GSDMC: variants seen among roughly 807,000 people sequenced by gnomAD.
GSDMC encodes the protein gasdermin C.
GSDMC carries 59 observed loss-of-function variants against 58.0 expected under a neutral mutation model. The ratio of observed to expected loss-of-function variants is 1.02; its 90% CI spans 0.82 to 1.26. The LOEUF (loss-of-function observed/expected upper bound fraction) is 1.26. Among genes scored for constraint, GSDMC ranks in the 50% most tolerant of loss-of-function variants. The probability of loss-of-function intolerance (pLI) is 0.00; values close to 1 mark genes in which losing one functional copy is unlikely to be tolerated. For synonymous variants in GSDMC, 241 were observed against 220.2 expected (o/e 1.09, Z -0.83); for missense variants, 659 against 598.5 (o/e 1.10, Z -1.06).
Position 129,752,704 on chromosome 8 carries a change from T to G in GSDMC, c.838A>C (p.Lys280Gln). 1 of 1,614,168 alleles carries G rather than the reference T, an allele frequency of 6.2e-7. No individual in the cohort carries two copies. Among genetic ancestry groups the G allele is most frequent in the Non-Finnish European group, 8.5e-7 (1 of 1,180,010 alleles). Residue 280 changes from lysine (K) to glutamine (Q), a missense_variant, in exon 7 of 14, where the codon AAA becomes CAA. Coordinates refer to ENST00000276708, the MANE Select transcript of GSDMC (RefSeq NM_031415.3). ...FNASSNDMKL[K>Q]PELFLTQQFL... ...AAGTGAGCAATCACAGTACCTGGTTTTAACTTCATATCATTGGATGAGGCA... is the reference window on the plus strand; with the variant it reads ...AAGTGAGCAATCACAGTACCTGGTTGTAACTTCATATCATTGGATGAGGCA...
At chr8:129,760,402 G>A in intron 6 of GSDMC, 143 bp downstream of exon 6, 1 of 500,466 alleles carries the variant, frequency 2.0e-6, no homozygotes, top group Non-Finnish European at 3.5e-6. Flanking sequence ...AAATGTTTGA[G>A]AAGATGAATA....
chr8:129,754,061 G>T (rs573007261), intron 6 of GSDMC, among the ~76,000 whole-genome samples: 2 of 152,292 alleles, frequency 1.3e-5, no homozygotes, highest in South Asian at 4.2e-4. Context: ...CCCACCCAAG[G>T]CCTGGGAAAA....
At chr8:129,741,818 G>T in the GSDMC span, among the ~76,000 whole-genome samples, 2 of 148,886 alleles carry the variant, frequency 1.3e-5, no homozygotes, top group Non-Finnish European at 3.0e-5. Flanking sequence ...CAATAAGTTA[G>T]AGAAATATCT....
intron 6 of GSDMC, among the ~76,000 whole-genome samples, chr8:129,754,405 C>G (rs2130371875): frequency 6.6e-6 from 1 of 152,294 alleles, no homozygotes; most frequent in East Asian, 1.9e-4. Context: ...ACCACCAAAG[C>G]AGAACCTCTA....
chr8:129,764,944 G>A (rs1268723654), intron 4 of GSDMC, among the ~76,000 whole-genome samples: 2 of 152,046 alleles, frequency 1.3e-5, no homozygotes, highest in East Asian at 3.9e-4. Flanking sequence ...CCACTTTTTA[G>A]CAGTAACTCA....
chr8:129,718,845 A>G, the GSDMC span, among the ~76,000 whole-genome samples: 1 of 152,224 alleles, frequency 6.6e-6, no homozygotes, highest in Non-Finnish European at 1.5e-5. Flanking sequence ...TGGAAATACT[A>G]TGCAGCCATA....
At chr8:129,714,285 G>T in the GSDMC span, among the ~76,000 whole-genome samples, 1 of 152,140 alleles carries the variant, frequency 6.6e-6, no homozygotes, top group Non-Finnish European at 1.5e-5. Flanking sequence ...GATTATTGCC[G>T]CTCCAGAGAT....
the GSDMC span, among the ~76,000 whole-genome samples, chr8:129,741,421 T>A: frequency 6.6e-6 from 1 of 152,282 alleles, no homozygotes; most frequent in South Asian, 2.1e-4. Context: ...AATCTGTAGA[T>A]CACTTTGGGT....
intron 3 of GSDMC, among the ~76,000 whole-genome samples, chr8:129,767,323 C>A (rs1285869629): frequency 1.3e-5 from 2 of 152,182 alleles, no homozygotes; most frequent in Non-Finnish European, 2.9e-5. Context: ...CCACACCTAA[C>A]TGCAGAGCAC....
At chr8:129,749,354 C>G in intron 13 of GSDMC, 98 bp downstream of exon 13, 1 of 890,298 alleles carries the variant, frequency 1.1e-6, no homozygotes, top group Non-Finnish European at 1.8e-6. Flanking sequence ...CCCCTCCCAG[C>G]AAAAACCTGT....
the GSDMC span, among the ~76,000 whole-genome samples, chr8:129,717,250 C>CTTTTTTTTTTTTTTTTTTTTTTTT: frequency 8.7e-6 from 1 of 114,686 alleles, no homozygotes; most frequent in Non-Finnish European, 1.7e-5. Context: ...TGGTCCTGGG[C>CTTTTTTTTTTTTTTTTTTTTTTTT]TTTTTTTTTT....
chr8:129,732,850 G>A, the GSDMC span, among the ~76,000 whole-genome samples: 1 of 152,306 alleles, frequency 6.6e-6, no homozygotes, highest in South Asian at 2.1e-4. Context: ...CTGAAGCAGG[G>A]TGGGTCATTG....
intron 4 of GSDMC, among the ~76,000 whole-genome samples, chr8:129,764,025 A>G (rs2033768891): frequency 1.3e-5 from 2 of 152,244 alleles, no homozygotes; most frequent in Non-Finnish European, 2.9e-5. Context: ...AGCTATAAAT[A>G]TCCTTTTTGC....
At chr8:129,708,754 C>A in the GSDMC span, among the ~76,000 whole-genome samples, 1 of 152,238 alleles carries the variant, frequency 6.6e-6, no homozygotes, top group African/African-American at 2.4e-5. Context: ...CCGTCCTTAA[C>A]TAACAGCAAA....
the GSDMC span, among the ~76,000 whole-genome samples, chr8:129,715,348 C>CAAGA: frequency 6.6e-6 from 1 of 151,974 alleles, no homozygotes; most frequent in African/African-American, 2.4e-5. Flanking sequence ...TGTCCCAGAA[C>CAAGA]AAGACTCTGT....
At chr8:129,765,859 G>T in intron 3 of GSDMC, 66 bp from the exon 4 acceptor site, 1 of 1,394,136 alleles carries the variant, frequency 7.2e-7, no homozygotes, top group South Asian at 1.3e-5. Context: ...GGTTACTCTG[G>T]GTGCCCTTCT....
At position 129,786,612 on chromosome 8, in the gene GSDMC, T is replaced by G. The variant is rs1206396318; in HGVS notation, c.-606A>C. ...TCAGCAAAAAGTCTGTGGAACAAAA[T>G]CAAGTGGCATCTAATTATGTATCTC... On this transcript the variant is annotated 5_prime_UTR_variant, in exon 1 of 14. Transcript: ENST00000276708. 6.6e-6 allele frequency: 1 copy of G among 152,112 alleles called. No individual in the cohort carries two copies. Among genetic ancestry groups the G allele is most frequent in the Non-Finnish European group, 1.5e-5 (1 of 68,028 alleles). 9.4% of individuals were successfully genotyped at this position (152,112 alleles called of 1,614,324 possible). A position where few individuals can be genotyped will look rare whatever the true frequency, so the allele number is the denominator to read the frequency against.
chr8:129,709,256 G>A, the GSDMC span, among the ~76,000 whole-genome samples: 15 of 152,056 alleles, frequency 9.9e-5, no homozygotes, highest in East Asian at 1.3e-3. Flanking sequence ...TGTGAAAAAG[G>A]GATGAATGGC....
At chr8:129,746,074 G>A (rs575954514), downstream of GSDMC, among the ~76,000 whole-genome samples, 9 of 152,244 alleles carry the variant, frequency 5.9e-5, no homozygotes, top group South Asian at 4.1e-4. Context: ...AGCATGGTGC[G>A]GGGTAGGGGA....
Sources: gnomAD v4.1 joint callset for allele counts (sites outside exome capture counted in the v4.1 genomes callset) on GRCh38, gnomAD v4.1.1 for gene constraint, MANE v1.5 for transcripts, NCBI Gene and HGNC (gene_info 2026-07-23, HGNC 2026-07-21) for gene names.